TXK: variants seen among roughly 807,000 people sequenced by gnomAD.
TXK encodes TXK tyrosine kinase.
TXK carries 60 observed loss-of-function variants against 81.0 expected under a neutral mutation model. The observed-to-expected ratio is 0.74, with a 90% confidence interval of 0.60 to 0.92. The LOEUF (loss-of-function observed/expected upper bound fraction) is 0.92. Ranked by LOEUF, TXK falls within the 40% of genes least tolerant of loss-of-function variation. TXK has a pLI of 0.00. For synonymous variants in TXK, 203 were observed against 210.7 expected (o/e 0.96, Z 0.32); for missense variants, 581 against 638.3 (o/e 0.91, Z 0.97).
chr4:48,069,314 A>ATCTTTTCTTT lies in TXK; in HGVS notation c.1516-1619_1516-1610dup, dbSNP rs1340419494. Among the ~76,000 whole-genome samples the ATCTTTTCTTT allele has an allele frequency of 2.7e-4, 27 of 100,396 alleles. 2 individuals carry two copies. The highest frequency in any genetic ancestry group is 3.4e-4 in the African/African-American group (8 of 23,388). 65.9% of individuals were successfully genotyped at this position (100,396 alleles called of 152,430 possible). On this transcript the variant is annotated intron_variant, in intron 14 of 14. Transcript: ENST00000264316. The stretch of plus-strand genomic sequence containing the variant: ...AAGACTCTGTCTCAAAAATAAATCA[A>ATCTTTTCTTT]TCTTTTCTTTTCTTTTTTTTTTTTT...
chr4:48,095,809 T>C (rs184264152), intron 6 of TXK, among the ~76,000 whole-genome samples: 106 of 152,360 alleles, frequency 7.0e-4, no homozygotes, highest in African/African-American at 2.5e-3. Flanking sequence ...ATAGTAAATC[T>C]GAAGTTATGT....
intron 1 of TXK, among the ~76,000 whole-genome samples, chr4:48,115,738 T>C (rs1441325014): frequency 6.6e-6 from 1 of 152,010 alleles, no homozygotes; most frequent in Non-Finnish European, 1.5e-5. Flanking sequence ...GCCTGTAGTC[T>C]TCAATACTCA....
intron 6 of TXK, among the ~76,000 whole-genome samples, chr4:48,099,404 A>G (rs1422962799): frequency 6.6e-6 from 1 of 152,200 alleles, no homozygotes; most frequent in African/African-American, 2.4e-5. Flanking sequence ...TCCAAGAGCC[A>G]TGAATTTAAT....
intron 1 of TXK, among the ~76,000 whole-genome samples, chr4:48,122,700 T>A (rs2109482711): frequency 6.6e-6 from 1 of 152,340 alleles, no homozygotes. Flanking sequence ...AAATATTTGT[T>A]CAGTGAATGA....
intron 4 of TXK, 139 bp downstream of exon 4, chr4:48,112,168 T>C: frequency 1.3e-6 from 1 of 776,130 alleles, no homozygotes; most frequent in Non-Finnish European, 2.1e-6. Flanking sequence ...ATCACTGTTC[T>C]CTCATTCTCT....
At chr4:48,077,426 G>T (rs1717114703) in intron 11 of TXK, among the ~76,000 whole-genome samples, 1 of 151,938 alleles carries the variant, frequency 6.6e-6, no homozygotes, top group African/African-American at 2.4e-5. Flanking sequence ...CACAAGAAAA[G>T]TTTTTGACAG....
At chr4:48,079,846 A>G in intron 11 of TXK, 66 bp downstream of exon 11, 1 of 1,077,632 alleles carries the variant, frequency 9.3e-7, no homozygotes, top group Non-Finnish European at 1.4e-6. Flanking sequence ...TATTGAAAGT[A>G]ATTGTCACAT....
intron 3 of TXK, among the ~76,000 whole-genome samples, 155 bp from the exon 4 acceptor site, chr4:48,112,667 T>G (rs1718673492): frequency 1.3e-5 from 2 of 152,212 alleles, no homozygotes; most frequent in South Asian, 4.1e-4. Flanking sequence ...AAGGACTAAC[T>G]ATAAAACTCC....
chr4:48,070,893 CTTTTTTTTT>C (rs11309334), intron 14 of TXK, among the ~76,000 whole-genome samples: 1 of 84,336 alleles, frequency 1.2e-5, no homozygotes, highest in African/African-American at 5.2e-5. Context: ...TCATTTAATT[CTTTTTTTTT>C]TTTTTTTTTT....
chr4:48,096,882 T>A (rs1341299737), intron 6 of TXK, among the ~76,000 whole-genome samples: 1 of 152,118 alleles, frequency 6.6e-6, no homozygotes, highest in East Asian at 1.9e-4. Flanking sequence ...GCGAAGAATA[T>A]CTAGAAAGTA....
chr4:48,099,055 A>G (rs559230335), intron 6 of TXK, among the ~76,000 whole-genome samples: 3 of 152,348 alleles, frequency 2.0e-5, no homozygotes, highest in Non-Finnish European at 4.4e-5. Context: ...GCAAAAATTA[A>G]AAGTACTATA....
chr4:48,073,859 G>A, intron 13 of TXK, 76 bp downstream of exon 13: 1 of 981,716 alleles, frequency 1.0e-6, no homozygotes, highest in Non-Finnish European at 1.5e-6. Context: ...TATCAATTAG[G>A]AAATCAAAGT....
Position 48,107,965 on chromosome 4 carries a change from G to A in TXK, c.446+2573C>T, listed in dbSNP as rs552903500. Among the ~76,000 whole-genome samples the A allele has an allele frequency of 2.7e-3, 404 of 151,336 alleles. 4 individuals are homozygous for A. The highest frequency in any genetic ancestry group is 9.5e-3 in the African/African-American group (390 of 41,070). ...GGGCGCCTGTAGTCCCAGCTACTCAGGAGGCTGAGGCAGGAGAATGGCGTG... is the reference window on the plus strand; with the variant it reads ...GGGCGCCTGTAGTCCCAGCTACTCAAGAGGCTGAGGCAGGAGAATGGCGTG... On this transcript the variant is annotated intron_variant, in intron 5 of 14. Transcript: ENST00000264316.
At chr4:48,089,881 T>C (rs1717691957) in intron 8 of TXK, 57 bp from the exon 9 acceptor site, 1 of 1,257,438 alleles carries the variant, frequency 8.0e-7, no homozygotes, top group Non-Finnish European at 1.2e-6. Context: ...GAAGAAAGAA[T>C]GAAATATTCT....
chr4:48,105,839 C>A lies in TXK; in HGVS notation c.447-884G>T, dbSNP rs765067181. Among the ~76,000 whole-genome samples, 3 of 152,294 alleles carry A rather than the reference C, an allele frequency of 2.0e-5. No individual in the cohort carries two copies. The South Asian group carries it at 6.2e-4, about 32-fold the overall frequency. On this transcript the variant is annotated intron_variant, in intron 5 of 14. Coordinates refer to ENST00000264316, the MANE Select transcript of TXK (RefSeq NM_003328.3). The stretch of plus-strand genomic sequence containing the variant: ...TTATTTCCTTCCTCAGATTCACCAA[C>A]CCCTTTTCTGCCCCCAATCATGCTG...
chr4:48,103,668 T>A (rs1482052380), intron 6 of TXK, among the ~76,000 whole-genome samples: 1 of 152,252 alleles, frequency 6.6e-6, no homozygotes, highest in Non-Finnish European at 1.5e-5. Context: ...AGTTAATGTT[T>A]ACTGACAGTT....
At chr4:48,118,363 T>C (rs189780044) in intron 1 of TXK, among the ~76,000 whole-genome samples, 124 of 152,262 alleles carry the variant, frequency 8.1e-4, no homozygotes, top group African/African-American at 1.8e-3. Flanking sequence ...CTGGTGTGAA[T>C]TGAAGTAGAA....
intron 13 of TXK, among the ~76,000 whole-genome samples, chr4:48,072,202 CCA>C (rs1445562068): frequency 6.6e-6 from 1 of 152,170 alleles, no homozygotes; most frequent in Non-Finnish European, 1.5e-5. Flanking sequence ...CGGGGTTTCA[CCA>C]TGTTGGCCAG....
intron 5 of TXK, chr4:48,106,290 C>G (rs779866133): frequency 6.6e-6 from 1 of 151,982 alleles, no homozygotes; most frequent in Non-Finnish European, 1.5e-5. Flanking sequence ...AGAATTCTAT[C>G]AGGCAGGAAA....
Sources: allele counts gnomAD v4.1 joint callset (sites outside exome capture counted in the v4.1 genomes callset), GRCh38; gene constraint gnomAD v4.1.1; transcripts MANE v1.5; gene names NCBI Gene and HGNC (gene_info 2026-07-23, HGNC 2026-07-21).